Variants in ALB observed in about 807,000 individuals in gnomAD.
ALB encodes serum albumin.
Under a neutral mutation model 74.5 loss-of-function variants are expected in ALB, and 37 were observed. That is an observed-to-expected ratio of 0.50 (90% CI 0.38 to 0.65). ALB has a LOEUF of 0.65. ALB is among the 30% of genes least tolerant of loss of function. The pLI, the probability that ALB is intolerant of heterozygous loss-of-function variation, is 0.00. For synonymous variants in ALB, 249 were observed against 251.6 expected (o/e 0.99, Z 0.10); for missense variants, 685 against 718.7 (o/e 0.95, Z 0.54).
intron 2 of ALB, among the ~76,000 whole-genome samples, chr4:73,405,810 A>G (rs975836427): frequency 7.9e-5 from 12 of 151,978 alleles, no homozygotes; most frequent in Non-Finnish European, 8.8e-5. Context: ...GGATGGTCTC[A>G]ATCTCCTGAC....
chr4:73,418,735 T>G (rs912100331), intron 12 of ALB, among the ~76,000 whole-genome samples: 1 of 152,204 alleles, frequency 6.6e-6, no homozygotes, highest in African/African-American at 2.4e-5. Context: ...CTTTTGAGAA[T>G]GAGACTTGGA....
At chr4:73,416,765 G>C (rs1484762077) in intron 10 of ALB, among the ~76,000 whole-genome samples, 2 of 152,166 alleles carry the variant, frequency 1.3e-5, no homozygotes, top group African/African-American at 4.8e-5. Context: ...AATGAATTTA[G>C]ATACATATTT....
At chr4:73,417,011 A>G (rs1719029361) in intron 10 of ALB, among the ~76,000 whole-genome samples, 1 of 152,220 alleles carries the variant, frequency 6.6e-6, no homozygotes, top group African/African-American at 2.4e-5. Flanking sequence ...ACAGTGAACA[A>G]GACATAGTTT....
At chr4:73,404,449 T>C (rs775827849) in intron 1 of ALB, 43 bp downstream of exon 1, 1 of 1,523,316 alleles carries the variant, frequency 6.6e-7, no homozygotes, top group South Asian at 1.1e-5. Flanking sequence ...TATTCTATTT[T>C]CCCAGTAAAA....
In ALB at chr4:73,418,260, A is replaced by G. The variant is rs769125333; in HGVS notation, c.1601A>G (p.His534Arg). ...KEFNAETFTFHADICTLSEKE... is the reference protein window; with the variant it reads ...KEFNAETFTFRADICTLSEKE... ...TTTAATGCTGAAACATTCACCTTCC[A>G]TGCAGATATATGCACACTTTCTGAG... The change falls in exon 12 of 15, where the codon CAT (histidine) becomes CGT (arginine). Residue 534 changes from histidine to arginine, a missense_variant. By Grantham distance (29) the His-to-Arg change is conservative. Transcript: ENST00000295897. 2.5e-6 allele frequency: 4 copies of G among 1,614,092 alleles called. No individual in the cohort carries two copies. The highest frequency in any genetic ancestry group is 1.1e-5 in the South Asian group (1 of 91,086).
intron 12 of ALB, 33 bp from the exon 13 acceptor site, chr4:73,419,474 G>A: frequency 7.7e-7 from 1 of 1,304,962 alleles, no homozygotes; most frequent in Non-Finnish European, 1.1e-6. Context: ...TGTTTTTTCT[G>A]TTTTTTTTTT....
intron 8 of ALB, 104 bp downstream of exon 8, chr4:73,413,738 C>A: frequency 9.0e-7 from 1 of 1,114,510 alleles, no homozygotes; most frequent in Non-Finnish European, 1.3e-6. Flanking sequence ...CCCTGCTGCC[C>A]AGAATGTTTC....
chr4:73,409,287 C>T (rs181802584), intron 4 of ALB, 68 bp from the exon 5 acceptor site: 153 of 1,536,020 alleles, frequency 1.0e-4, no homozygotes, highest in Admixed American at 5.0e-4. Context: ...GGGAGAATGT[C>T]GATTACAATT....
At chr4:73,413,209 G>T in intron 7 of ALB, 1 of 578,094 alleles carries the variant, frequency 1.7e-6, no homozygotes, top group Admixed American at 2.9e-5. Context: ...CTGAGCACCT[G>T]CTACTGATTA....
At chr4:73,408,853 C>T in intron 4 of ALB, 48 bp downstream of exon 4, 3 of 1,471,470 alleles carry the variant, frequency 2.0e-6, no homozygotes, top group South Asian at 1.2e-5. Context: ...CATGGAGTAA[C>T]TCCATAGGCC....
chr4:73,407,321 AC>A (rs1440296085), intron 3 of ALB, among the ~76,000 whole-genome samples: 1 of 152,172 alleles, frequency 6.6e-6, no homozygotes, highest in Non-Finnish European at 1.5e-5. Flanking sequence ...TATGAGTTTG[AC>A]TACTTTAGCT....
intron 12 of ALB, 71 bp downstream of exon 12, chr4:73,418,382 T>A: frequency 7.3e-7 from 1 of 1,375,124 alleles, no homozygotes; most frequent in Non-Finnish European, 1.0e-6. Context: ...AGCTAGCAAC[T>A]TTTTCCTGAA....
Position 73,415,157 on chromosome 4 carries a change from A to G in ALB, c.1181A>G (p.Tyr394Cys). The G allele has an allele frequency of 1.9e-6, 3 of 1,614,168 alleles. No individual in the cohort carries two copies. The highest frequency in any genetic ancestry group is 2.2e-5 in the East Asian group (1 of 44,878). ...GCCGCTGCAGATCCTCATGAATGCT[A>G]TGCCAAAGTGGTAGGTTTATTGTTG... ...CCAAADPHEC[Y>C]AKVFDEFKPL... The change falls in exon 9 of 15, where the codon TAT (tyrosine) becomes TGT (cysteine). Residue 394 changes from tyrosine (Y) to cysteine (C), a missense_variant. Coordinates refer to ENST00000295897, the MANE Select transcript of ALB (RefSeq NM_000477.7).
chr4:73,415,398 T>C (rs1718988741), intron 9 of ALB: 1 of 488,046 alleles, frequency 2.0e-6, no homozygotes, highest in Admixed American at 3.6e-5. Flanking sequence ...TAAAAAATTT[T>C]GATCTTTTTT....
rs1363125037 is a variant in ALB, at chr4:73,404,289, A to G, written c.-39A>G. On this transcript the variant is annotated 5_prime_UTR_variant, in exon 1 of 15. Coordinates refer to ENST00000295897, the MANE Select transcript of ALB (RefSeq NM_000477.7). ...GTGCTAATTTCCCTCCGTTTGTCCT[A>G]GCTTTTCTCTTCTGTCAACCCCACA... 7.3e-6 allele frequency: 11 copies of G among 1,501,748 alleles called. No homozygotes were observed. The highest frequency in any genetic ancestry group is 1.0e-5 in the Non-Finnish European group (11 of 1,077,968). The allele number at this position is 1,501,748 out of a possible 1,614,324, so 93.0% of individuals were successfully genotyped here.
rs1560857585 is a variant in ALB at position 73,413,650 on chromosome 4, A to C, written c.1058+16A>C. The C allele has an allele frequency of 1.2e-6, 2 of 1,612,564 alleles. No homozygotes were observed. The highest frequency in any genetic ancestry group is 2.7e-5 in the African/African-American group (2 of 74,994). ...TCCTGGGCATGTAAGTAGATAAGAA[A>C]TTATTCTTTTATAGCTTTGGCATGA... On this transcript the variant is annotated intron_variant, in intron 8 of 14. Transcript: ENST00000295897.
chr4:73,406,369 TTAATCTATGTGTGTGCA>T (rs1300427139), intron 2 of ALB, among the ~76,000 whole-genome samples: 3 of 152,262 alleles, frequency 2.0e-5, no homozygotes, highest in Admixed American at 1.3e-4. Context: ...ATTTGCTTGC[TTAATCTATGTGTGTGCA>T]TAGATCTACT....
chr4:73,416,656 C>A (rs1248444901), intron 10 of ALB, among the ~76,000 whole-genome samples: 1 of 151,984 alleles, frequency 6.6e-6, no homozygotes, highest in Non-Finnish European at 1.5e-5. Flanking sequence ...AGTTAATGGG[C>A]AAATAGAGCA....
chr4:73,419,698 G>T (rs537424581), intron 13 of ALB, 59 bp downstream of exon 13: 1 of 1,594,778 alleles, frequency 6.3e-7, no homozygotes, highest in East Asian at 2.2e-5. Flanking sequence ...GTTTGGTTAG[G>T]CTAGGGCTTA....
Sources: gnomAD v4.1 joint callset for allele counts (sites outside exome capture counted in the v4.1 genomes callset) on GRCh38, gnomAD v4.1.1 for gene constraint, MANE v1.5 for transcripts, NCBI Gene and HGNC (gene_info 2026-07-23, HGNC 2026-07-21) for gene names.